The following PRORP variants were observed in gnomAD, a reference collection of about 807,000 sequenced individuals.
The protein encoded by PRORP is mitochondrial ribonuclease P catalytic subunit.
Under a neutral mutation model 59.4 loss-of-function variants are expected in PRORP, and 51 were observed. The ratio of observed to expected loss-of-function variants is 0.86; its 90% confidence interval spans 0.69 to 1.08. The LOEUF (loss-of-function observed/expected upper bound fraction) is 1.08, where lower values mean the gene tolerates loss of function less well. Among genes scored for constraint, PRORP ranks in the 50% least tolerant of loss-of-function variants. The pLI, the probability that PRORP is intolerant of heterozygous loss-of-function variation, is 0.00. For missense variants in PRORP, 646 were observed against 690.3 expected, an observed-to-expected ratio of 0.94 and a Z score of 0.72; for synonymous variants, 231 against 245.6, an observed-to-expected ratio of 0.94 and a Z score of 0.55.
chr14:35,216,147 A>ATATAATATATTTATATAATG (rs2139191294), intron 5 of PRORP, among the ~76,000 whole-genome samples: 1 of 58,492 alleles, frequency 1.7e-5, no homozygotes, highest in South Asian at 5.0e-4. Flanking sequence ...TTTATATAAT[A>ATATAATATATTTATATAATG]CATTTATATT....
At position 35,267,653 on chromosome 14, in the gene PRORP, C is replaced by T. The variant is rs183430319; in HGVS notation, c.1424+778C>T. On this transcript the variant is annotated intron_variant, in intron 6 of 7. Coordinates refer to ENST00000534898, the MANE Select transcript of PRORP (RefSeq NM_014672.4). ...AAAATTAACCGGGCATGGTGGCGGG[C>T]GCCTGTAGTCCCAGATACTGAGGAG... 3.9e-5 allele frequency among the ~76,000 whole-genome samples: 6 copies of T among 152,118 alleles called. No homozygotes were observed. In the East Asian group the frequency reaches 9.7e-4, roughly 25 times the overall value.
chr14:35,197,748 T>C (rs972049136), intron 5 of PRORP, among the ~76,000 whole-genome samples: 2 of 152,154 alleles, frequency 1.3e-5, no homozygotes, highest in Non-Finnish European at 2.9e-5. Flanking sequence ...TTTTGTCTTA[T>C]GAAAGATGTA....
chr14:35,178,655 C>T (rs558631170), intron 4 of PRORP, among the ~76,000 whole-genome samples: 1 of 152,116 alleles, frequency 6.6e-6, no homozygotes, highest in Non-Finnish European at 1.5e-5. Flanking sequence ...TGAGATGGGT[C>T]TCCTGAATAC....
intron 5 of PRORP, among the ~76,000 whole-genome samples, chr14:35,207,538 C>A (rs930131301): frequency 6.6e-6 from 1 of 152,172 alleles, no homozygotes; most frequent in Non-Finnish European, 1.5e-5. Context: ...TTGCTACAGC[C>A]TTCCTGTTTC....
At chr14:35,187,356 G>T (rs2048765802) in intron 5 of PRORP, among the ~76,000 whole-genome samples, 1 of 151,744 alleles carries the variant, frequency 6.6e-6, no homozygotes, top group Admixed American at 6.6e-5. Context: ...CCTAGCAGGT[G>T]TGAAGTGGTA....
chr14:35,171,873 T>C (rs541894864), intron 4 of PRORP, among the ~76,000 whole-genome samples: 2 of 152,272 alleles, frequency 1.3e-5, no homozygotes, highest in South Asian at 4.1e-4. Context: ...GCTCTGTCTT[T>C]CATGTTCACT....
At position 35,161,156 on chromosome 14, in the gene PRORP, A is replaced by G. The variant is rs941626066; in HGVS notation, c.1168-19514A>G. Among the ~76,000 whole-genome samples the G allele has an allele frequency of 2.0e-5, 3 of 152,238 alleles. No homozygotes were observed. In the South Asian group the frequency reaches 6.2e-4, roughly 31 times the overall value. On this transcript the variant is annotated intron_variant, in intron 4 of 7. Coordinates refer to ENST00000534898, the MANE Select transcript of PRORP (RefSeq NM_014672.4). ...ATCCAGTGTTAAAACCCAAAGAGTTATAAATGTTGACAAACTATTGGTAAA... is the reference window on the plus strand; with the variant it reads ...ATCCAGTGTTAAAACCCAAAGAGTTGTAAATGTTGACAAACTATTGGTAAA...
chr14:35,176,009 A>G (rs2048440302), intron 4 of PRORP, among the ~76,000 whole-genome samples: 1 of 152,272 alleles, frequency 6.6e-6, no homozygotes, highest in African/African-American at 2.4e-5. Flanking sequence ...TCCTTTCCCC[A>G]TTGCTTGTTT....
Position 35,123,636 on chromosome 14 carries a change from T to C in PRORP, c.391T>C (p.Leu131=), listed in dbSNP as rs2047004242. Residue 131 remains leucine (L), a synonymous_variant, in exon 2 of 8, where the codon TTA becomes CTA. Coordinates refer to ENST00000534898, the MANE Select transcript of PRORP (RefSeq NM_014672.4). ...SEEWDKLKED[L]KENTGKTSFE... The stretch of plus-strand genomic sequence containing the variant: ...GGAGTGGGATAAACTTAAGGAAGAT[T>C]TAAAAGAAAACACCGGAAAGACCAG... 2 of 1,614,128 alleles carry C rather than the reference T, an allele frequency of 1.2e-6. No homozygotes were observed. The highest frequency in any genetic ancestry group is 1.7e-5 in the Admixed American group (1 of 60,012).
chr14:35,188,084 A>G (rs1473324123), intron 5 of PRORP, among the ~76,000 whole-genome samples: 1 of 151,454 alleles, frequency 6.6e-6, no homozygotes, highest in East Asian at 2.0e-4. Flanking sequence ...ACCTGACCTC[A>G]GCCTCCCAAA....
intron 5 of PRORP, among the ~76,000 whole-genome samples, chr14:35,230,938 A>AC (rs2050061468): frequency 6.9e-6 from 1 of 144,466 alleles, no homozygotes; most frequent in Non-Finnish European, 1.5e-5. Flanking sequence ...AGGAAAAGAG[A>AC]ACACACACAC....
At chr14:35,158,605 C>A in intron 4 of PRORP, 2 of 328,554 alleles carry the variant, frequency 6.1e-6, no homozygotes, top group East Asian at 8.5e-5. Flanking sequence ...AGTATAAACC[C>A]GGCACCCTGT....
intron 5 of PRORP, among the ~76,000 whole-genome samples, chr14:35,240,839 C>G (rs1475569415): frequency 6.6e-6 from 1 of 152,292 alleles, no homozygotes; most frequent in Admixed American, 6.5e-5. Flanking sequence ...CTGTTGAGCA[C>G]TTGAAATGTG....
At chr14:35,158,715 T>G in intron 4 of PRORP, 1 of 393,424 alleles carries the variant, frequency 2.5e-6, no homozygotes, top group East Asian at 6.9e-5. Flanking sequence ...CAATTACTAT[T>G]ATCTACTGCA....
intron 5 of PRORP, among the ~76,000 whole-genome samples, chr14:35,249,122 G>T (rs953600678): frequency 6.6e-6 from 1 of 152,166 alleles, no homozygotes; most frequent in Non-Finnish European, 1.5e-5. Context: ...AAATGCACAT[G>T]AAAGAATATT....
chr14:35,259,028 C>G (rs2050830553), intron 5 of PRORP, among the ~76,000 whole-genome samples: 1 of 152,174 alleles, frequency 6.6e-6, no homozygotes, highest in South Asian at 2.1e-4. Context: ...GTCCAGTTAT[C>G]TCAATTGTTG....
At chr14:35,263,638 A>C (rs954840523) in intron 5 of PRORP, among the ~76,000 whole-genome samples, 3 of 152,144 alleles carry the variant, frequency 2.0e-5, no homozygotes, top group African/African-American at 7.2e-5. Context: ...CAGTGAACTG[A>C]AATTGTGCCA....
chr14:35,263,033 A>T lies in PRORP; in HGVS notation c.1276-3694A>T. On this transcript the variant is annotated intron_variant, in intron 5 of 7. Coordinates refer to ENST00000534898, the MANE Select transcript of PRORP (RefSeq NM_014672.4). ...AAGGAACTGTTCAGCCGGCTGATGA[A>T]TAAGATCTAAGAGTTGTCCAGCTTC... 2.5e-6 allele frequency: 4 copies of T among 1,575,458 alleles called. No homozygotes were observed. The South Asian group carries it at 4.4e-5, about 17-fold the overall frequency.
chr14:35,257,906 C>T (rs2050799793), intron 5 of PRORP, among the ~76,000 whole-genome samples: 1 of 152,174 alleles, frequency 6.6e-6, no homozygotes, highest in Non-Finnish European at 1.5e-5. Context: ...TCATTGGCCT[C>T]TCTTACCTCC....
Sources: allele counts gnomAD v4.1 joint callset (sites outside exome capture counted in the v4.1 genomes callset), GRCh38; gene constraint gnomAD v4.1.1; transcripts MANE v1.5; gene names NCBI Gene and HGNC (gene_info 2026-07-23, HGNC 2026-07-21).